The following ERC2 variants were observed in gnomAD, a reference collection of about 807,000 sequenced individuals.
The protein encoded by ERC2 is ELKS/RAB6-interacting/CAST family member 2.
A neutral mutation model predicts 114.8 loss-of-function variants in ERC2; 42 were observed. The ratio of observed to expected loss-of-function variants is 0.37; its 90% CI spans 0.29 to 0.47. ERC2 has a LOEUF of 0.47. Ranked by LOEUF, ERC2 falls within the 20% of genes least tolerant of loss-of-function variation. The probability of loss-of-function intolerance (pLI) is 0.99; values close to 1 mark genes in which losing one functional copy is unlikely to be tolerated. For missense variants in ERC2, 939 were observed against 1,150.7 expected, an observed-to-expected ratio of 0.82 and a Z score of 2.66; for synonymous variants, 454 against 425.5, an observed-to-expected ratio of 1.07 and a Z score of -0.82.
intron 1 of ERC2, among the ~76,000 whole-genome samples, chr3:56,448,917 T>A (rs1289473513): frequency 6.6e-6 from 1 of 151,736 alleles, no homozygotes; most frequent in Non-Finnish European, 1.5e-5. Flanking sequence ...CTACAAAAAA[T>A]ACAAAACATT....
chr3:56,430,403 C>A (rs1340152550), intron 2 of ERC2, among the ~76,000 whole-genome samples: 2 of 152,188 alleles, frequency 1.3e-5, no homozygotes, highest in Non-Finnish European at 2.9e-5. Flanking sequence ...CAAATTCTGG[C>A]CAGGTACAGT....
At chr3:56,087,127 A>G (rs1560150737) in intron 6 of ERC2, among the ~76,000 whole-genome samples, 1 of 151,820 alleles carries the variant, frequency 6.6e-6, no homozygotes, top group Non-Finnish European at 1.5e-5. Context: ...TAATGTTAAA[A>G]CTAGGACAAT....
chr3:55,587,091 T>C (rs1052680122), intron 17 of ERC2, among the ~76,000 whole-genome samples: 27 of 152,372 alleles, frequency 1.8e-4, no homozygotes, highest in African/African-American at 6.5e-4. Context: ...TTTAAACAAA[T>C]GTTATCATAC....
intron 3 of ERC2, among the ~76,000 whole-genome samples, chr3:56,271,654 A>G (rs1489249519): frequency 6.6e-6 from 1 of 152,170 alleles, no homozygotes; most frequent in Non-Finnish European, 1.5e-5. Context: ...CAAGGTTATT[A>G]TATAAGGAAA....
In ERC2 at chr3:56,193,865, G is replaced by A. The variant is rs116563334; in HGVS notation, c.1075-20345C>T. Among the ~76,000 whole-genome samples the A allele has an allele frequency of 2.6e-3, 399 of 152,272 alleles. 1 individual carries two copies. The highest frequency in any genetic ancestry group is 0.018 in the South Asian group (87 of 4,820). On this transcript the variant is annotated intron_variant, in intron 3 of 17. Coordinates refer to ENST00000288221, the MANE Select transcript of ERC2 (RefSeq NM_015576.3). ...TCATAGGGACAGCATGAGTAAAAGC[G>A]TGGCAATAAAATAGCCAGGTTAAGG...
chr3:55,616,745 A>G (rs1013489870), intron 17 of ERC2, among the ~76,000 whole-genome samples: 3 of 152,084 alleles, frequency 2.0e-5, no homozygotes, highest in Non-Finnish European at 4.4e-5. Flanking sequence ...ACAAATAGAA[A>G]AAACTTGAGA....
chr3:56,284,452 G>A (rs1307087933), intron 3 of ERC2, among the ~76,000 whole-genome samples: 1 of 152,194 alleles, frequency 6.6e-6, no homozygotes, highest in African/African-American at 2.4e-5. Flanking sequence ...ATGTTTTAAA[G>A]GGGGAAAGAA....
At chr3:55,678,383 T>A (rs948430131) in intron 17 of ERC2, among the ~76,000 whole-genome samples, 1 of 152,156 alleles carries the variant, frequency 6.6e-6, no homozygotes, top group Admixed American at 6.5e-5. Flanking sequence ...GAATTCTTGA[T>A]CCCTGGAGAT....
intron 3 of ERC2, among the ~76,000 whole-genome samples, chr3:56,189,377 C>T (rs542828315): frequency 5.9e-5 from 9 of 152,286 alleles, no homozygotes; most frequent in African/African-American, 1.9e-4. Context: ...GGAAAAGCTG[C>T]GGCTTCTAAT....
At chr3:56,049,740 CT>C (rs1220868089) in intron 7 of ERC2, among the ~76,000 whole-genome samples, 12 of 152,082 alleles carry the variant, frequency 7.9e-5, no homozygotes, top group Non-Finnish European at 1.3e-4. Flanking sequence ...GGCTTCCTTG[CT>C]CCTCAGCTTG....
chr3:55,919,724 AT>A (rs2065305786), intron 13 of ERC2, among the ~76,000 whole-genome samples: 1 of 152,154 alleles, frequency 6.6e-6, no homozygotes. Flanking sequence ...CCGACTTGCA[AT>A]TTTAGGTGGG....
chr3:55,849,689 C>G (rs754456370), intron 14 of ERC2, among the ~76,000 whole-genome samples: 18 of 152,094 alleles, frequency 1.2e-4, no homozygotes, highest in Non-Finnish European at 2.1e-4. Flanking sequence ...CTTCCAAGGA[C>G]TAAGTTGAGG....
chr3:56,275,120 C>T (rs914549288), intron 3 of ERC2, among the ~76,000 whole-genome samples: 2 of 152,122 alleles, frequency 1.3e-5, no homozygotes, highest in East Asian at 3.8e-4. Flanking sequence ...TCCAGAAACA[C>T]GATCCCAGTT....
chr3:56,003,493 T>C (rs955501077), intron 10 of ERC2, among the ~76,000 whole-genome samples: 5 of 152,288 alleles, frequency 3.3e-5, no homozygotes, highest in African/African-American at 9.6e-5. Context: ...AAGTCTGCAA[T>C]TTATTACCTG....
chr3:56,122,403 G>A (rs749449781), intron 6 of ERC2, among the ~76,000 whole-genome samples: 43 of 152,170 alleles, frequency 2.8e-4, no homozygotes, highest in Non-Finnish European at 4.3e-4. Context: ...ACTTCAGTGT[G>A]TTTGGAAAGA....
intron 15 of ERC2, among the ~76,000 whole-genome samples, chr3:55,722,942 C>A (rs1051177122): frequency 6.6e-6 from 1 of 152,134 alleles, no homozygotes; most frequent in Non-Finnish European, 1.5e-5. Flanking sequence ...CTTAAAACTA[C>A]CCACAAGTCT....
At chr3:56,331,270 C>T (rs1225763331) in intron 2 of ERC2, among the ~76,000 whole-genome samples, 1 of 152,082 alleles carries the variant, frequency 6.6e-6, no homozygotes, top group Admixed American at 6.6e-5. Flanking sequence ...TTTGATCTGC[C>T]TTTAGCAAGA....
At chr3:56,244,162 C>T (rs1033498682) in intron 3 of ERC2, among the ~76,000 whole-genome samples, 1 of 152,136 alleles carries the variant, frequency 6.6e-6, no homozygotes, top group African/African-American at 2.4e-5. Flanking sequence ...GGAGCTAAAA[C>T]TTCCTGTCAC....
intron 2 of ERC2, among the ~76,000 whole-genome samples, chr3:56,427,305 T>C (rs2061610031): frequency 6.6e-6 from 1 of 152,124 alleles, no homozygotes; most frequent in Admixed American, 6.6e-5. Flanking sequence ...GGTTGGTTGG[T>C]TTTGTAGAGG....
Sources: gnomAD v4.1 joint callset for allele counts (sites outside exome capture counted in the v4.1 genomes callset) on GRCh38, gnomAD v4.1.1 for gene constraint, MANE v1.5 for transcripts, NCBI Gene and HGNC (gene_info 2026-07-23, HGNC 2026-07-21) for gene names.